The following LETM1 variants were observed in gnomAD, a reference collection of about 807,000 sequenced individuals.
LETM1 encodes mitochondrial proton/calcium exchanger protein.
A neutral mutation model predicts 74.5 loss-of-function variants in LETM1; 50 were observed. The observed-to-expected ratio is 0.67, with a 90% CI of 0.53 to 0.85. LETM1 has a LOEUF of 0.85. Among genes scored for constraint, LETM1 ranks in the 40% least tolerant of loss-of-function variants. The pLI, the probability that LETM1 is intolerant of heterozygous loss-of-function variation, is 0.00. For missense variants in LETM1, 824 were observed against 967.8 expected (o/e 0.85, Z 1.97); for synonymous variants, 446 against 407.1 (o/e 1.10, Z -1.15).
At chr4:1,819,581 G>C in intron 10 of LETM1, 109 bp from the exon 11 acceptor site, 1 of 1,255,246 alleles carries the variant, frequency 8.0e-7, no homozygotes, top group Non-Finnish European at 1.1e-6. Flanking sequence ...CAGGGCAAGA[G>C]TCTCACTGGA....
chr4:1,816,141 G>A (rs1711563307), intron 12 of LETM1, among the ~76,000 whole-genome samples: 1 of 152,360 alleles, frequency 6.6e-6, no homozygotes, highest in Non-Finnish European at 1.5e-5. Flanking sequence ...TGGGGGCTGT[G>A]GTGCCCTGGG....
intron 3 of LETM1, among the ~76,000 whole-genome samples, chr4:1,837,771 T>C (rs1159375353): frequency 6.0e-5 from 9 of 151,172 alleles, no homozygotes; most frequent in Non-Finnish European, 8.8e-5. Context: ...TCGCCTGATC[T>C]TGGGTCATTG....
chr4:1,835,067 C>T (rs1712415324), intron 4 of LETM1, 85 bp from the exon 5 acceptor site: 1 of 1,325,822 alleles, frequency 7.5e-7, no homozygotes, highest in Admixed American at 2.1e-5. Context: ...TGCCCGACCC[C>T]CACTCCCAGA....
In LETM1 at chr4:1,822,297, C is replaced by G. The variant is rs752894460; in HGVS notation, c.1492G>C (p.Glu498Gln). The G allele has an allele frequency of 1.3e-6, 2 of 1,515,832 alleles. No homozygotes were observed. The highest frequency in any genetic ancestry group is 1.8e-6 in the Non-Finnish European group (2 of 1,124,450). 93.9% of individuals were successfully genotyped at this position (1,515,832 alleles called of 1,614,324 possible). The stretch of plus-strand genomic sequence containing the variant: ...CTTTGGGGAGCAGCTACCACACGTT[C>G]GGGCTCAAAATCCTTCTGAAAGGCA... Reference protein sequence around the residue: ...RSEVAKDFEPERVVAAPQRPG... With the variant: ...RSEVAKDFEPQRVVAAPQRPG... Residue 498 changes from glutamate (E) to glutamine (Q), a missense_variant, in exon 10 of 14, where the codon GAA (glutamate) becomes CAA (glutamine). Physicochemically the swap from Glu to Gln is conservative, Grantham distance 29 (BLOSUM62 2). This residue lies in a region of LETM1 where 172 missense variants were observed against 170.7 expected (regional missense o/e 1.01). Coordinates refer to ENST00000302787, the MANE Select transcript of LETM1 (RefSeq NM_012318.3).
chr4:1,842,615 A>G (rs1712741896), intron 2 of LETM1, among the ~76,000 whole-genome samples: 1 of 152,212 alleles, frequency 6.6e-6, no homozygotes, highest in African/African-American at 2.4e-5. Flanking sequence ...CCCAACTGGA[A>G]TGTAGGCCAC....
intron 13 of LETM1, among the ~76,000 whole-genome samples, chr4:1,815,271 G>A (rs1256844738): frequency 1.3e-5 from 2 of 152,124 alleles, no homozygotes; most frequent in Non-Finnish European, 2.9e-5. Flanking sequence ...CCCCTGTGTA[G>A]TTGCCTCTCA....
rs370391669 is a variant in LETM1, at chr4:1,822,326, C to T, written c.1477-14G>A. ...CTCAAAATCCTTCTGAAAGGCAAGG[C>T]GACACCAGCCCAGCGCCCGCCATCA... On this transcript the variant is annotated splice_polypyrimidine_tract_variant and intron_variant, in intron 9 of 13. Transcript: ENST00000302787. The T allele has an allele frequency of 5.1e-5, 76 of 1,477,566 alleles. No homozygotes were observed. The highest frequency in any genetic ancestry group is 1.8e-4 in the Middle Eastern group (1 of 5,506). 91.5% of individuals were successfully genotyped at this position (1,477,566 alleles called of 1,614,324 possible).
chr4:1,823,106 G>C lies in LETM1; in HGVS notation c.1358C>G (p.Ala453Gly). Residue 453 changes from alanine (A) to glycine (G), a missense_variant, in exon 9 of 14, where the codon GCC (alanine) becomes GGC (glycine). By Grantham distance (60) the Ala-to-Gly change is moderately conservative. Transcript: ENST00000302787. ...IVAKEAQVKV[A>G]EVEGEQVDNK... Reference sequence around the variant, plus strand: ...GTCCACCTGCTCGCCCTCCACCTCGGCCACTTTCACCTGTGCTTCCTTTGC... The same window carrying C: ...GTCCACCTGCTCGCCCTCCACCTCGCCCACTTTCACCTGTGCTTCCTTTGC... 1 of 1,604,974 alleles carries C rather than the reference G, an allele frequency of 6.2e-7. No individual in the cohort carries two copies.
intron 6 of LETM1, among the ~76,000 whole-genome samples, chr4:1,830,222 T>C (rs1712217917): frequency 6.6e-6 from 1 of 152,262 alleles, no homozygotes. Context: ...TATCATTTTA[T>C]CTTAATGTTT....
rs1711592261 is a variant in LETM1, at chr4:1,817,037, G to A, written c.1744-123C>T. ...AAGGCGGGCGGATCACCTGAGGTTA[G>A]GAGTTCGAGACCAGCCTGGCCAATG... On this transcript the variant is annotated intron_variant, in intron 11 of 13. Transcript: ENST00000302787. 3 of 740,328 alleles carry A rather than the reference G, an allele frequency of 4.1e-6. No homozygotes were observed. The Admixed American group carries it at 7.7e-5, about 19-fold the overall frequency. The allele number at this position is 740,328 out of a possible 1,614,324, so 45.9% of individuals were successfully genotyped here.
chr4:1,823,595 G>C (rs1215006381), intron 8 of LETM1, 49 bp downstream of exon 8: 1 of 1,608,070 alleles, frequency 6.2e-7, no homozygotes. Flanking sequence ...CAGAAGAGCG[G>C]AGCCACCTAT....
chr4:1,826,632 T>C (rs541991327), intron 6 of LETM1, among the ~76,000 whole-genome samples: 1 of 152,350 alleles, frequency 6.6e-6, no homozygotes, highest in Non-Finnish European at 1.5e-5. Flanking sequence ...GGGGGTGCTA[T>C]GGGTGTGCCG....
At chr4:1,827,013 G>A (rs572116502) in intron 6 of LETM1, among the ~76,000 whole-genome samples, 2 of 152,304 alleles carry the variant, frequency 1.3e-5, no homozygotes, top group Non-Finnish European at 2.9e-5. Context: ...CGTGGAGCCC[G>A]TCCCTCAGCC....
intron 7 of LETM1, 88 bp from the exon 8 acceptor site, chr4:1,823,863 C>G: frequency 1.4e-6 from 2 of 1,407,438 alleles, no homozygotes; most frequent in Non-Finnish European, 1.9e-6. Context: ...ACCAGAATAG[C>G]TCTCAGAGAA....
chr4:1,849,173 C>T lies in LETM1; in HGVS notation c.119G>A (p.Ser40Asn), dbSNP rs1405494164. The T allele has an allele frequency of 6.2e-7, 1 of 1,613,146 alleles. No individual in the cohort carries two copies. The highest frequency in any genetic ancestry group is 1.7e-5 in the Admixed American group (1 of 60,032). The change falls in exon 2 of 14, where the codon AGC becomes AAC. Residue 40 changes from serine (S) to asparagine (N), a missense_variant. Ser to Asn is a conservative substitution (Grantham distance 46). Coordinates refer to ENST00000302787, the MANE Select transcript of LETM1 (RefSeq NM_012318.3). ...PGDPAHLSCA[S>N]TLGLRNCLNV... ...CAGGCAGTTCCTCAACCCCAGGGTGCTGGCACAGCTGAGATGAGCAGGATC... is the reference window on the plus strand; with the variant it reads ...CAGGCAGTTCCTCAACCCCAGGGTGTTGGCACAGCTGAGATGAGCAGGATC...
chr4:1,837,973 T>C (rs1712514009), intron 3 of LETM1, among the ~76,000 whole-genome samples: 1 of 152,068 alleles, frequency 6.6e-6, no homozygotes, highest in Non-Finnish European at 1.5e-5. Flanking sequence ...CCCAAAGTGC[T>C]GGATTACAGG....
intron 2 of LETM1, among the ~76,000 whole-genome samples, chr4:1,842,629 G>A (rs1211328724): frequency 6.6e-6 from 1 of 152,234 alleles, no homozygotes; most frequent in Non-Finnish European, 1.5e-5. Flanking sequence ...AGGCCACCGA[G>A]GGCCAGAGAG....
At position 1,812,932 on chromosome 4, in the gene LETM1, C is replaced by G. The variant is rs980259898; in HGVS notation, c.*1492G>C. On this transcript the variant is annotated 3_prime_UTR_variant, in exon 14 of 14. Coordinates refer to ENST00000302787, the MANE Select transcript of LETM1 (RefSeq NM_012318.3). Reference sequence around the variant, plus strand: ...GAGCCGGGGCAGCTGACTGGGCCCGCGATGCCGCTCACAGGAGAGGCGTCT... The same window carrying G: ...GAGCCGGGGCAGCTGACTGGGCCCGGGATGCCGCTCACAGGAGAGGCGTCT... 1 of 152,354 alleles carries G rather than the reference C, an allele frequency of 6.6e-6. No homozygotes were observed. The highest frequency in any genetic ancestry group is 6.5e-5 in the Admixed American group (1 of 15,282). The allele number at this position is 152,354 out of a possible 1,614,324, so 9.4% of individuals were successfully genotyped here. A position where few individuals can be genotyped will look rare whatever the true frequency, so the allele number is the denominator to read the frequency against.
intron 2 of LETM1, among the ~76,000 whole-genome samples, chr4:1,842,283 C>T (rs570281465): frequency 1.3e-5 from 2 of 152,208 alleles, no homozygotes; most frequent in Middle Eastern, 3.4e-3. Context: ...TAAGGGTGCT[C>T]GCTGACCTCA....
Sources: gnomAD v4.1 joint callset for allele counts (sites outside exome capture counted in the v4.1 genomes callset) on GRCh38, gnomAD v4.1.1 for gene constraint, gnomAD v4.1.1 regional missense constraint, MANE v1.5 for transcripts, NCBI Gene and HGNC (gene_info 2026-07-23, HGNC 2026-07-21) for gene names.